The following AUTS2 variants were observed in gnomAD, a reference collection of about 807,000 sequenced individuals.
The protein encoded by AUTS2 is activator of transcription and developmental regulator AUTS2, also known as autism susceptibility gene 2 protein.
In AUTS2, 17 loss-of-function variants were observed where a neutral mutation model predicts 112.4. That is an observed-to-expected ratio of 0.15 (90% confidence interval 0.10 to 0.23). The LOEUF (loss-of-function observed/expected upper bound fraction) is 0.23, where lower values mean the gene tolerates loss of function less well. Ranked by LOEUF, AUTS2 falls within the 10% of genes least tolerant of loss-of-function variation. AUTS2 has a pLI of 1.00. For missense variants in AUTS2, 1,510 were observed against 1,701.6 expected, an observed-to-expected ratio of 0.89 and a Z score of 1.98; for synonymous variants, 751 against 702.7, an observed-to-expected ratio of 1.07 and a Z score of -1.09.
chr7:70,783,638 A>C (rs1791242231), intron 15 of AUTS2: 1 of 152,264 alleles, frequency 6.6e-6, no homozygotes, highest in Admixed American at 6.5e-5. Flanking sequence ...TAGCATAAGC[A>C]GTATGGGATT....
At chr7:70,290,017 C>T (rs1228604561) in intron 4 of AUTS2, among the ~76,000 whole-genome samples, 1 of 152,114 alleles carries the variant, frequency 6.6e-6, no homozygotes, top group East Asian at 1.9e-4. Flanking sequence ...TATTCAAAGT[C>T]TTGCACCATA....
At chr7:70,460,907 T>C (rs1298743512) in intron 5 of AUTS2, among the ~76,000 whole-genome samples, 1 of 151,946 alleles carries the variant, frequency 6.6e-6, no homozygotes, top group Non-Finnish European at 1.5e-5. Context: ...CACAGACACA[T>C]GGAATGGGAT....
rs1046581983 is a variant in AUTS2 at position 70,792,131 on chromosome 7, G to T, written c.*1135G>T. On this transcript the variant is annotated 3_prime_UTR_variant, in exon 19 of 19. Transcript: ENST00000342771. ...TGTATTCAATAACTGACGGATGTAA[G>T]GTGCACGTTTCCTGATGTGACGCAC... The T allele has an allele frequency of 6.6e-6, 1 of 151,672 alleles. No individual in the cohort carries two copies. The highest frequency in any genetic ancestry group is 2.4e-5 in the African/African-American group (1 of 40,932). The allele number at this position is 151,672 out of a possible 1,614,324, so 9.4% of individuals were successfully genotyped here.
intron 4 of AUTS2, among the ~76,000 whole-genome samples, chr7:70,221,227 C>CTTCTGTCT: frequency 6.6e-6 from 1 of 152,274 alleles, no homozygotes; most frequent in African/African-American, 2.4e-5. Context: ...TATATCTGTC[C>CTTCTGTCT]TTCTGTCTAT....
At chr7:70,191,603 C>T (rs1809897942) in intron 4 of AUTS2, among the ~76,000 whole-genome samples, 2 of 152,160 alleles carry the variant, frequency 1.3e-5, no homozygotes, top group Non-Finnish European at 2.9e-5. Context: ...AAGTGACTTG[C>T]TTTATCAGGT....
At chr7:69,961,561 G>A (rs1294099845) in intron 2 of AUTS2, among the ~76,000 whole-genome samples, 1 of 152,030 alleles carries the variant, frequency 6.6e-6, no homozygotes, top group Non-Finnish European at 1.5e-5. Context: ...CATACTGTGG[G>A]CATCTGTTGT....
intron 4 of AUTS2, among the ~76,000 whole-genome samples, chr7:70,146,206 T>G (rs1185743739): frequency 3.9e-5 from 6 of 152,124 alleles, no homozygotes; most frequent in Admixed American, 2.0e-4. Flanking sequence ...TGGTTGATAC[T>G]GAAGTTTTGT....
At chr7:70,055,420 G>A (rs1346563271) in intron 2 of AUTS2, among the ~76,000 whole-genome samples, 1 of 151,674 alleles carries the variant, frequency 6.6e-6, no homozygotes, top group East Asian at 1.9e-4. Context: ...GACAACAAGA[G>A]CAAAACTCCA....
chr7:70,442,829 A>G (rs1796174811), intron 5 of AUTS2, among the ~76,000 whole-genome samples: 1 of 152,120 alleles, frequency 6.6e-6, no homozygotes, highest in African/African-American at 2.4e-5. Context: ...CGTGATGCCC[A>G]TCTACTCAAC....
At chr7:70,651,919 C>T (rs976013336) in intron 5 of AUTS2, among the ~76,000 whole-genome samples, 21 of 152,308 alleles carry the variant, frequency 1.4e-4, no homozygotes, top group African/African-American at 4.6e-4. Context: ...ACATTGAACA[C>T]CAAAGGCCCT....
chr7:70,632,754 A>T (rs1354064426), intron 5 of AUTS2, among the ~76,000 whole-genome samples: 1 of 151,912 alleles, frequency 6.6e-6, no homozygotes, highest in East Asian at 1.9e-4. Context: ...TTTTTGGAGC[A>T]TCCCACAGCT....
chr7:70,019,113 A>G (rs1345313201), intron 2 of AUTS2, among the ~76,000 whole-genome samples: 1 of 152,212 alleles, frequency 6.6e-6, no homozygotes, highest in African/African-American at 2.4e-5. Context: ...CCTTTGCAGG[A>G]ACATGGATAG....
At chr7:70,431,171 A>G (rs193082298) in intron 4 of AUTS2, among the ~76,000 whole-genome samples, 85 of 152,068 alleles carry the variant, frequency 5.6e-4, no homozygotes, top group Non-Finnish European at 9.3e-4. Context: ...TTACAGGATA[A>G]ATTTTACTGA....
At chr7:69,651,100 A>T (rs569664167) in intron 1 of AUTS2, among the ~76,000 whole-genome samples, 1 of 152,352 alleles carries the variant, frequency 6.6e-6, no homozygotes, top group South Asian at 2.1e-4. Context: ...GATTTGGTTC[A>T]GAGTGAGGAG....
intron 4 of AUTS2, among the ~76,000 whole-genome samples, chr7:70,321,999 GA>G (rs1489045161): frequency 6.6e-6 from 1 of 152,124 alleles, no homozygotes; most frequent in African/African-American, 2.4e-5. Context: ...CCCCAAGTTA[GA>G]AGGGACATTT....
At chr7:70,238,385 T>A (rs1812435605) in intron 4 of AUTS2, among the ~76,000 whole-genome samples, 1 of 152,216 alleles carries the variant, frequency 6.6e-6, no homozygotes, top group Non-Finnish European at 1.5e-5. Flanking sequence ...GGACCAACAC[T>A]AATGCTGTCA....
chr7:70,470,962 C>T (rs1797358393), intron 5 of AUTS2, among the ~76,000 whole-genome samples: 2 of 152,096 alleles, frequency 1.3e-5, no homozygotes, highest in African/African-American at 4.8e-5. Context: ...GAAGGAAGGG[C>T]AGGCTGGAAA....
At chr7:70,301,445 T>A (rs1050136444) in intron 4 of AUTS2, among the ~76,000 whole-genome samples, 1 of 151,880 alleles carries the variant, frequency 6.6e-6, no homozygotes, top group African/African-American at 2.4e-5. Context: ...TTGCATAGTT[T>A]AGGAGTTTTT....
At position 69,996,185 on chromosome 7, in the gene AUTS2, C is replaced by G. The variant is rs10279284; in HGVS notation, c.522+96687C>G. Among the ~76,000 whole-genome samples, 780 of 152,300 alleles carry G rather than the reference C, an allele frequency of 5.1e-3. 8 individuals are homozygous for G. The highest frequency in any genetic ancestry group is 0.018 in the African/African-American group (753 of 41,562). On this transcript the variant is annotated intron_variant, in intron 2 of 18. Transcript: ENST00000342771. ...GTTAGAGGTACTGTGTCATAAGAGGCAGTGCAGTTCGGAACCCTGGAACCC... is the reference window on the plus strand; with the variant it reads ...GTTAGAGGTACTGTGTCATAAGAGGGAGTGCAGTTCGGAACCCTGGAACCC...
Sources: gnomAD v4.1 joint callset for allele counts (sites outside exome capture counted in the v4.1 genomes callset) on GRCh38, gnomAD v4.1.1 for gene constraint, MANE v1.5 for transcripts, NCBI Gene and HGNC (gene_info 2026-07-23, HGNC 2026-07-21) for gene names.